Variants in GPR155 observed in about 807,000 individuals in gnomAD.
The protein encoded by GPR155 is lysosomal cholesterol signaling protein.
Under a neutral mutation model 93.1 loss-of-function variants are expected in GPR155, and 65 were observed. The observed-to-expected ratio is 0.70, with a 90% CI of 0.57 to 0.86. The LOEUF is 0.86. Ranked by LOEUF, GPR155 falls within the 40% of genes least tolerant of loss-of-function variation. GPR155 has a pLI of 0.00. For synonymous variants in GPR155, 319 were observed against 360.1 expected, an observed-to-expected ratio of 0.89 and a Z score of 1.29; for missense variants, 838 against 1,034.8, an observed-to-expected ratio of 0.81 and a Z score of 2.61.
Position 174,475,251 on chromosome 2 carries a change from C to T in GPR155, c.461-1887G>A, listed in dbSNP as rs1029671950. Among the ~76,000 whole-genome samples the T allele has an allele frequency of 1.5e-3, 208 of 135,636 alleles. 1 individual carries two copies. The highest frequency in any genetic ancestry group is 5.4e-3 in the African/African-American group (198 of 36,478). The allele number at this position is 135,636 out of a possible 152,430, so 89.0% of individuals were successfully genotyped here. ...CGGAGCTTGCAGTGAGCCGAGATCC[C>T]GCCACTGCACTCCAGCCTGGGCGAC... On this transcript the variant is annotated intron_variant, in intron 2 of 15. Transcript: ENST00000392552.
At position 174,431,768 on chromosome 2, in the gene GPR155, C is replaced by T. The variant is rs1030785641; in HGVS notation, c.*4348G>A. Reference sequence around the variant, plus strand: ...ATATGAAGGGGCAAACACTAAGAGCCGCATTCTGCTGCGTAACAAACATAT... The same window carrying T: ...ATATGAAGGGGCAAACACTAAGAGCTGCATTCTGCTGCGTAACAAACATAT... On this transcript the variant is annotated 3_prime_UTR_variant, in exon 16 of 16. Coordinates refer to ENST00000392552, the MANE Select transcript of GPR155 (RefSeq NM_152529.7). 18 of 152,138 alleles carry T rather than the reference C, an allele frequency of 1.2e-4. No individual in the cohort carries two copies. Among genetic ancestry groups the T allele is most frequent in the Non-Finnish European group, 2.4e-4 (16 of 68,010 alleles). The allele number at this position is 152,138 out of a possible 1,614,324, so 9.4% of individuals were successfully genotyped here.
chr2:174,467,993 C>A (rs1259905685), intron 5 of GPR155, among the ~76,000 whole-genome samples: 3 of 152,210 alleles, frequency 2.0e-5, no homozygotes, highest in Non-Finnish European at 4.4e-5. Context: ...GCCTCTGCCT[C>A]CCAAAGTGTT....
intron 3 of GPR155, among the ~76,000 whole-genome samples, chr2:174,472,511 G>A (rs908442195): frequency 1.3e-5 from 2 of 152,196 alleles, no homozygotes; most frequent in African/African-American, 4.8e-5. Flanking sequence ...TGACTTGGCT[G>A]TATTTAGAAA....
At chr2:174,457,649 G>A (rs1398612182) in intron 10 of GPR155, among the ~76,000 whole-genome samples, 1 of 152,172 alleles carries the variant, frequency 6.6e-6, no homozygotes, top group Non-Finnish European at 1.5e-5. Context: ...TAGAGATGGT[G>A]TTTCACCATG....
chr2:174,437,016 G>A (rs1418377830), intron 15 of GPR155, among the ~76,000 whole-genome samples: 1 of 152,218 alleles, frequency 6.6e-6, no homozygotes, highest in Non-Finnish European at 1.5e-5. Context: ...GAAAGAATAA[G>A]TGAGATCTAA....
chr2:174,474,027 G>A (rs1688074694), intron 2 of GPR155, among the ~76,000 whole-genome samples: 1 of 152,166 alleles, frequency 6.6e-6, no homozygotes, highest in Non-Finnish European at 1.5e-5. Context: ...CTGAAATGGA[G>A]TAAAGGAAAA....
Position 174,436,425 on chromosome 2 carries a change from AAGGAATGAT to A in GPR155, c.2313-18_2313-10del. The A allele has an allele frequency of 6.2e-7, 1 of 1,613,020 alleles. No homozygotes were observed. ...AAGTCTTTGCACCACACCTGTGTCA[AAGGAATGAT>A]TCACCCATATTTTCTGTAAATCTGG... On this transcript the variant is annotated splice_polypyrimidine_tract_variant and intron_variant, in intron 15 of 15. Coordinates refer to ENST00000392552, the MANE Select transcript of GPR155 (RefSeq NM_152529.7).
chr2:174,436,809 A>T (rs1574688097), intron 15 of GPR155, among the ~76,000 whole-genome samples: 1 of 149,078 alleles, frequency 6.7e-6, no homozygotes, highest in East Asian at 1.9e-4. Flanking sequence ...AGGAACACTA[A>T]ATATTTTTCA....
chr2:174,453,192 GT>G (rs1386746584), intron 11 of GPR155, among the ~76,000 whole-genome samples: 1 of 152,190 alleles, frequency 6.6e-6, no homozygotes, highest in Non-Finnish European at 1.5e-5. Context: ...TGGAAAATGT[GT>G]GTATGACACT....
At chr2:174,444,354 G>T (rs1163569022) in intron 13 of GPR155, among the ~76,000 whole-genome samples, 2 of 150,894 alleles carry the variant, frequency 1.3e-5, no homozygotes, top group African/African-American at 4.9e-5. Context: ...GGCAGAGGTT[G>T]CAGTGAGCTG....
chr2:174,476,581 G>GCAA (rs887454429), intron 2 of GPR155, among the ~76,000 whole-genome samples: 3 of 151,970 alleles, frequency 2.0e-5, no homozygotes, highest in Non-Finnish European at 4.4e-5. Flanking sequence ...TACAGCCTGG[G>GCAA]CAACAGAGTG....
At position 174,478,296 on chromosome 2, in the gene GPR155, C is replaced by T. The variant is rs1455664268; in HGVS notation, c.460+3201G>A. On this transcript the variant is annotated intron_variant, in intron 2 of 15. Transcript: ENST00000392552. ...ACCCAGGCTGGAGTACAGTAGCCAT[C>T]TGCGGCCTTGAACTCCTAGGCTCAA... 3.3e-5 allele frequency among the ~76,000 whole-genome samples: 5 copies of T among 152,158 alleles called. No individual in the cohort carries two copies. The East Asian group carries it at 9.6e-4, about 29-fold the overall frequency.
rs778118355 is a variant in GPR155 at position 174,461,424 on chromosome 2, G to C, written c.1538C>G (p.Ala513Gly). The C allele has an allele frequency of 8.4e-5, 135 of 1,612,364 alleles. No homozygotes were observed. The highest frequency in any genetic ancestry group is 1.0e-4 in the Non-Finnish European group (123 of 1,178,632). ...GKHNGDSIDS[A>G]FFYGKEQMIT... The stretch of plus-strand genomic sequence containing the variant: ...CACCTGTTCTTTTCCATAAAAGAAG[G>C]CTGAGTCAATGCTATCTCCATTGTG... The change falls in exon 9 of 16, where the codon GCC (alanine) becomes GGC (glycine). Residue 513 changes from alanine (A) to glycine (G), a missense_variant. Physicochemically the swap from Ala to Gly is moderately conservative, Grantham distance 60 (BLOSUM62 0). Coordinates refer to ENST00000392552, the MANE Select transcript of GPR155 (RefSeq NM_152529.7).
intron 9 of GPR155, among the ~76,000 whole-genome samples, chr2:174,460,453 CA>C (rs984218706): frequency 2.6e-5 from 4 of 151,950 alleles, no homozygotes; most frequent in African/African-American, 9.7e-5. Flanking sequence ...TAAGCCACCG[CA>C]CCCAGCCATC....
chr2:174,473,073 G>C lies in GPR155; in HGVS notation c.752C>G (p.Ser251Cys). ...ATAAAATAGGGCTGATCCAGAAAAA[G>C]AATTTCCAAGTCCATCAAGAAAATT... is the stretch of plus-strand genomic sequence containing the variant. ...VENFLDGLGN[S>C]FSGSALFYLG... The change falls in exon 3 of 16, where the codon TCT becomes TGT. Residue 251 changes from serine to cysteine, a missense_variant. Physicochemically the swap from Ser to Cys is moderately radical, Grantham distance 112. Around this residue, in one of 3 missense-constraint regions of GPR155, gnomAD observed 663 missense variants for 790.1 expected, o/e 0.84. Coordinates refer to ENST00000392552, the MANE Select transcript of GPR155 (RefSeq NM_152529.7). 1.2e-6 allele frequency: 2 copies of C among 1,600,130 alleles called. No individual in the cohort carries two copies. Among genetic ancestry groups the C allele is most frequent in the East Asian group, 4.5e-5 (2 of 44,788 alleles).
chr2:174,466,555 G>C lies in GPR155; in HGVS notation c.1255C>G (p.Leu419Val). Residue 419 changes from leucine (L) to valine (V), a missense_variant, in exon 6 of 16, where the codon CTC (leucine) becomes GTC (valine). By Grantham distance (32) the Leu-to-Val change is conservative (BLOSUM62 1). Coordinates refer to ENST00000392552, the MANE Select transcript of GPR155 (RefSeq NM_152529.7). ...GTAGTTTTACTAACCTGAGCAATGA[G>C]TAAATTAGTTGTAAGCATATGAGGA... is the stretch of plus-strand genomic sequence containing the variant. ...QLPHMLTTNL[L>V]IAQSIVCAGM... is the part of the protein sequence containing the mutation. 2 of 1,525,558 alleles carry C rather than the reference G, an allele frequency of 1.3e-6. No homozygotes were observed. The highest frequency in any genetic ancestry group is 1.8e-6 in the Non-Finnish European group (2 of 1,103,860). The allele number at this position is 1,525,558 out of a possible 1,614,324, so 94.5% of individuals were successfully genotyped here.
intron 7 of GPR155, 36 bp downstream of exon 7, chr2:174,465,749 G>T: frequency 2.0e-6 from 2 of 1,008,296 alleles, no homozygotes; most frequent in South Asian, 1.3e-5. Context: ...GTGGGGTGGG[G>T]AACAGATCTC....
chr2:174,452,658 T>C (rs1022264055), intron 11 of GPR155, among the ~76,000 whole-genome samples: 8 of 152,120 alleles, frequency 5.3e-5, no homozygotes, highest in Non-Finnish European at 1.0e-4. Flanking sequence ...ACTTTTTTTT[T>C]CCCCCTAGAT....
intron 14 of GPR155, 146 bp downstream of exon 14, chr2:174,441,973 C>T: frequency 1.7e-6 from 1 of 597,846 alleles, no homozygotes; most frequent in East Asian, 3.0e-5. Context: ...GTCTTGAACT[C>T]CTGAGTTCAA....
Sources: gnomAD v4.1 joint callset for allele counts (sites outside exome capture counted in the v4.1 genomes callset) on GRCh38, gnomAD v4.1.1 for gene constraint, gnomAD v4.1.1 regional missense constraint, MANE v1.5 for transcripts, NCBI Gene and HGNC (gene_info 2026-07-23, HGNC 2026-07-21) for gene names.